The following PID1 variants were observed in gnomAD, a reference collection of about 807,000 sequenced individuals.
PID1 encodes the protein phosphotyrosine interaction domain containing 1, also known as PTB-containing, cubilin and LRP1-interacting protein.
In PID1, 10 loss-of-function variants were observed where a neutral mutation model predicts 19.1. The observed-to-expected ratio is 0.52, with a 90% CI of 0.32 to 0.89. PID1 has a LOEUF of 0.89. Ranked by LOEUF, PID1 falls within the 40% of genes least tolerant of loss-of-function variation. The probability of loss-of-function intolerance (pLI) is 0.03; values close to 1 mark genes in which losing one functional copy is unlikely to be tolerated. For synonymous variants in PID1, 130 were observed against 116.0 expected, an observed-to-expected ratio of 1.12 and a Z score of -0.78; for missense variants, 248 against 285.3, an observed-to-expected ratio of 0.87 and a Z score of 0.94.
At chr2:229,051,305 A>G (rs185960420) in intron 2 of PID1, among the ~76,000 whole-genome samples, 6 of 152,298 alleles carry the variant, frequency 3.9e-5, no homozygotes, top group East Asian at 3.9e-4. Flanking sequence ...ATCCTAAGAT[A>G]TCTGATTGTT....
chr2:229,254,121 T>C (rs561050293), intron 1 of PID1, among the ~76,000 whole-genome samples: 1 of 151,886 alleles, frequency 6.6e-6, no homozygotes, highest in Non-Finnish European at 1.5e-5. Context: ...TCACACATAG[T>C]CCCCGTGGCT....
chr2:229,048,635 G>T (rs532167783), intron 2 of PID1, among the ~76,000 whole-genome samples: 2 of 152,276 alleles, frequency 1.3e-5, no homozygotes, highest in East Asian at 3.9e-4. Context: ...CAGCTCTGGT[G>T]GGGTAGAAGT....
intron 1 of PID1, among the ~76,000 whole-genome samples, chr2:229,200,841 G>A (rs1691484029): frequency 6.6e-6 from 1 of 152,080 alleles, no homozygotes; most frequent in Middle Eastern, 3.2e-3. Flanking sequence ...CAAATGAGCA[G>A]GTCACAAAGG....
chr2:229,046,100 A>T (rs1349784166), intron 2 of PID1, among the ~76,000 whole-genome samples: 2 of 152,078 alleles, frequency 1.3e-5, no homozygotes, highest in Non-Finnish European at 2.9e-5. Flanking sequence ...CACATATTCC[A>T]TCAACGAACC....
At chr2:229,241,391 T>G (rs2106276387) in intron 1 of PID1, among the ~76,000 whole-genome samples, 1 of 152,272 alleles carries the variant, frequency 6.6e-6, no homozygotes. Context: ...GAGGCTTGAC[T>G]TTTACAGTTT....
chr2:229,217,974 G>A lies in PID1; in HGVS notation c.30+53040C>T, dbSNP rs190172119. On this transcript the variant is annotated intron_variant, in intron 1 of 2. Transcript: ENST00000392055. ...AATGACCTGTAAGATTCAGCCTAAT[G>A]GTCACTTCTGATGGGAATCCTCCCC... is the stretch of plus-strand genomic sequence containing the variant. 1.8e-4 allele frequency among the ~76,000 whole-genome samples: 27 copies of A among 152,232 alleles called. No individual in the cohort carries two copies. The East Asian group carries it at 4.6e-3, about 26-fold the overall frequency.
At chr2:229,084,518 A>G (rs1694727732) in intron 2 of PID1, among the ~76,000 whole-genome samples, 1 of 152,212 alleles carries the variant, frequency 6.6e-6, no homozygotes, top group African/African-American at 2.4e-5. Flanking sequence ...TTACAGGCAT[A>G]TGAATTGCGA....
At chr2:229,146,535 G>C (rs1339522399) in intron 2 of PID1, among the ~76,000 whole-genome samples, 7 of 151,970 alleles carry the variant, frequency 4.6e-5, no homozygotes, top group Non-Finnish European at 8.8e-5. Flanking sequence ...TTGTGTGTGT[G>C]TGTGTGTGTG....
chr2:229,125,419 A>C (rs201994720), intron 2 of PID1, among the ~76,000 whole-genome samples: 6 of 147,070 alleles, frequency 4.1e-5, no homozygotes, highest in Admixed American at 3.4e-4. Flanking sequence ...AAAAAAAAAA[A>C]CCTGCTTTTA....
chr2:229,142,880 T>G (rs1411239828), intron 2 of PID1, among the ~76,000 whole-genome samples: 1 of 151,202 alleles, frequency 6.6e-6, no homozygotes, highest in South Asian at 2.1e-4. Flanking sequence ...CATGCTGCTA[T>G]AAAGACACAT....
At chr2:229,028,686 T>C (rs1693478384) in intron 2 of PID1, among the ~76,000 whole-genome samples, 1 of 152,168 alleles carries the variant, frequency 6.6e-6, no homozygotes, top group Non-Finnish European at 1.5e-5. Flanking sequence ...TACGCAGCCA[T>C]GAAAAGAACA....
chr2:229,233,554 C>T (rs1186953161), intron 1 of PID1, among the ~76,000 whole-genome samples: 2 of 150,594 alleles, frequency 1.3e-5, no homozygotes, highest in African/African-American at 2.4e-5. Flanking sequence ...TGCAGTGGAG[C>T]GATCTTGGCT....
intron 2 of PID1, among the ~76,000 whole-genome samples, chr2:229,100,974 G>A (rs969827273): frequency 2.0e-5 from 3 of 152,188 alleles, no homozygotes; most frequent in Admixed American, 2.0e-4. Flanking sequence ...AAACTACTGT[G>A]TTCCTACTGA....
intron 1 of PID1, among the ~76,000 whole-genome samples, chr2:229,164,272 A>G (rs1690554473): frequency 6.6e-6 from 1 of 152,192 alleles, no homozygotes. Flanking sequence ...GCCAAATGCT[A>G]GGAGCACAGA....
chr2:229,078,526 G>C (rs1694608826), intron 2 of PID1, among the ~76,000 whole-genome samples: 1 of 152,136 alleles, frequency 6.6e-6, no homozygotes. Flanking sequence ...GATATTAGCT[G>C]TGGGTTTGTC....
intron 1 of PID1, among the ~76,000 whole-genome samples, chr2:229,165,773 G>T (rs1690584505): frequency 6.6e-6 from 1 of 151,978 alleles, no homozygotes. Flanking sequence ...GCAATAAAAA[G>T]AAATAATAAG....
intron 2 of PID1, among the ~76,000 whole-genome samples, chr2:229,149,475 C>A (rs1690203268): frequency 6.6e-6 from 1 of 152,088 alleles, no homozygotes; most frequent in Non-Finnish European, 1.5e-5. Context: ...ACAAGCACCC[C>A]CTGATAGTAT....
intron 1 of PID1, among the ~76,000 whole-genome samples, chr2:229,259,176 T>G (rs1690391216): frequency 6.6e-6 from 1 of 152,138 alleles, no homozygotes; most frequent in Admixed American, 6.5e-5. Context: ...GTATAGACCT[T>G]CTTAGTTCAA....
At chr2:229,114,174 A>ACACACACAC (rs1695363067) in intron 2 of PID1, among the ~76,000 whole-genome samples, 1 of 124,574 alleles carries the variant, frequency 8.0e-6, no homozygotes, top group African/African-American at 2.8e-5. Context: ...TCTCCACACA[A>ACACACACAC]ACACACACAC....
Sources: allele counts gnomAD v4.1 joint callset (sites outside exome capture counted in the v4.1 genomes callset), GRCh38; gene constraint gnomAD v4.1.1; transcripts MANE v1.5; gene names NCBI Gene and HGNC (gene_info 2026-07-23, HGNC 2026-07-21).